DNAH6: variants seen among roughly 807,000 people sequenced by gnomAD.
DNAH6 encodes axonemal beta dynein heavy chain 6.
In DNAH6, 340 loss-of-function variants were observed where a neutral mutation model predicts 491.4. The observed-to-expected ratio is 0.69, with a 90% CI of 0.63 to 0.76. The LOEUF is 0.76. DNAH6 is among the 30% of genes least tolerant of loss of function. The pLI is 0.00. For missense variants in DNAH6, 4,443 were observed against 4,972.2 expected, an observed-to-expected ratio of 0.89 and a Z score of 3.20; for synonymous variants, 1,603 against 1,686.1, an observed-to-expected ratio of 0.95 and a Z score of 1.21.
intron 19 of DNAH6, among the ~76,000 whole-genome samples, 155 bp downstream of exon 19, chr2:84,604,706 T>C (rs1435134651): frequency 6.6e-6 from 1 of 152,220 alleles, no homozygotes; most frequent in African/African-American, 2.4e-5. Context: ...CAGATATTAC[T>C]GTTATCACCT....
At chr2:84,530,475 G>A (rs376882602) in intron 4 of DNAH6, among the ~76,000 whole-genome samples, 110 of 152,272 alleles carry the variant, frequency 7.2e-4, no homozygotes, top group African/African-American at 2.5e-3. Flanking sequence ...GGAGGCTGGT[G>A]TGACTACAGT....
intron 72 of DNAH6, 53 bp downstream of exon 72, chr2:84,808,595 G>A (rs931596091): frequency 6.5e-7 from 1 of 1,528,284 alleles, no homozygotes; most frequent in African/African-American, 1.4e-5. Context: ...TTTGTAGAGA[G>A]TTGTATAATA....
chr2:84,581,363 A>G (rs1228810539), intron 14 of DNAH6, among the ~76,000 whole-genome samples: 1 of 152,192 alleles, frequency 6.6e-6, no homozygotes, highest in Non-Finnish European at 1.5e-5. Context: ...TTGGAATGTC[A>G]TTCATTCAGT....
At chr2:84,807,547 C>T (rs909371363) in intron 71 of DNAH6, among the ~76,000 whole-genome samples, 7 of 152,200 alleles carry the variant, frequency 4.6e-5, no homozygotes, top group African/African-American at 1.7e-4. Flanking sequence ...GTCTCAGTCT[C>T]CTGCCCCCAA....
At chr2:84,678,032 A>G (rs1693426576) in intron 41 of DNAH6, among the ~76,000 whole-genome samples, 1 of 152,204 alleles carries the variant, frequency 6.6e-6, no homozygotes. Context: ...ACCAGCATCA[A>G]CTTCTTCCAG....
intron 64 of DNAH6, 45 bp downstream of exon 64, chr2:84,762,990 C>T: frequency 1.4e-6 from 2 of 1,440,950 alleles, no homozygotes; most frequent in Non-Finnish European, 1.9e-6. Flanking sequence ...TGCATATGAA[C>T]ATCTCTTTGT....
the DNAH6 span, among the ~76,000 whole-genome samples, chr2:84,462,005 A>T: frequency 6.6e-6 from 1 of 152,372 alleles, no homozygotes; most frequent in East Asian, 1.9e-4. Context: ...CCCCAAAGTC[A>T]TCAAGCCAAG....
chr2:84,547,177 A>T, intron 5 of DNAH6, 91 bp from the exon 6 acceptor site: 9 of 1,131,674 alleles, frequency 8.0e-6, no homozygotes, highest in Non-Finnish European at 1.1e-5. Flanking sequence ...GGTGTTTATT[A>T]TCCTTAATAA....
chr2:84,805,039 T>C (rs1022781252), intron 70 of DNAH6, among the ~76,000 whole-genome samples: 3 of 152,108 alleles, frequency 2.0e-5, no homozygotes, highest in African/African-American at 4.8e-5. Flanking sequence ...TCTCAAACTA[T>C]TGGGCTAAAG....
chr2:84,759,237 G>C (rs1674340321), intron 63 of DNAH6, among the ~76,000 whole-genome samples: 1 of 151,592 alleles, frequency 6.6e-6, no homozygotes, highest in South Asian at 2.1e-4. Context: ...GCTGGGCGCA[G>C]TGACTCACAC....
At chr2:84,470,498 G>A in the DNAH6 span, among the ~76,000 whole-genome samples, 1 of 152,150 alleles carries the variant, frequency 6.6e-6, no homozygotes, top group Non-Finnish European at 1.5e-5. Context: ...ACCATGTGGG[G>A]TAATGTCCTG....
intron 21 of DNAH6, among the ~76,000 whole-genome samples, chr2:84,609,599 A>T (rs571525599): frequency 1.7e-4 from 26 of 152,130 alleles, no homozygotes; most frequent in Non-Finnish European, 2.9e-4. Flanking sequence ...TTATATAAGC[A>T]TGGTTCATGG....
chr2:84,670,483 T>A lies in DNAH6; in HGVS notation c.6454+8T>A. The A allele has an allele frequency of 6.7e-7, 1 of 1,495,958 alleles. No individual in the cohort carries two copies. Among genetic ancestry groups the A allele is most frequent in the East Asian group, 2.5e-5 (1 of 40,282 alleles). 92.7% of individuals were successfully genotyped at this position (1,495,958 alleles called of 1,614,324 possible). On this transcript the variant is annotated splice_region_variant and intron_variant, in intron 39 of 76. Transcript: ENST00000389394. ...AAAGAAAAAATATTCTAGGTAAGAA[T>A]CATTATTTTAGTTTGTCCCACACAA... is the stretch of plus-strand genomic sequence containing the variant.
upstream of DNAH6, among the ~76,000 whole-genome samples, chr2:84,512,572 A>G (rs147100623): frequency 2.9e-4 from 44 of 152,248 alleles, no homozygotes; most frequent in Non-Finnish European, 5.1e-4. Flanking sequence ...AACCATAGCA[A>G]TGGTTTTTCT....
At chr2:84,664,166 G>T (rs777628952) in intron 37 of DNAH6, among the ~76,000 whole-genome samples, 2 of 152,070 alleles carry the variant, frequency 1.3e-5, no homozygotes, top group Non-Finnish European at 2.9e-5. Context: ...AAACATCATC[G>T]AGGCTAGGAA....
At position 84,637,351 on chromosome 2, in the gene DNAH6, G is replaced by C. The variant is rs1313111448; in HGVS notation, c.4795G>C (p.Val1599Leu). 1 of 1,547,438 alleles carries C rather than the reference G, an allele frequency of 6.5e-7. No homozygotes were observed. The highest frequency in any genetic ancestry group is 8.7e-7 in the Non-Finnish European group (1 of 1,144,670). ...CCTGTTTAGACCATTTGCGATGATG[G>C]TTCCAAATTATGCCTTGATTGCAGA... is the stretch of plus-strand genomic sequence containing the variant. ...KALFRPFAMM[V>L]PNYALIAEVI... The change falls in exon 31 of 77, where the codon GTT becomes CTT. Residue 1599 changes from valine (V) to leucine (L), a missense_variant. Physicochemically the swap from Val to Leu is conservative, Grantham distance 32. Around this residue, in one of 3 missense-constraint regions of DNAH6, gnomAD observed 2,977 missense variants for 3,296.6 expected, o/e 0.90. Coordinates refer to ENST00000389394, the MANE Select transcript of DNAH6 (RefSeq NM_001370.2).
chr2:84,563,427 C>G (rs1384582966), intron 11 of DNAH6, among the ~76,000 whole-genome samples: 2 of 152,122 alleles, frequency 1.3e-5, no homozygotes, highest in East Asian at 3.9e-4. Flanking sequence ...TTTATAATAG[C>G]CATTCTGACT....
intron 47 of DNAH6, among the ~76,000 whole-genome samples, chr2:84,698,095 T>A (rs189731341): frequency 1.3e-3 from 195 of 152,272 alleles, no homozygotes; most frequent in South Asian, 4.4e-3. Flanking sequence ...AGCAGCAATG[T>A]TATGACACAA....
chr2:84,653,645 A>T lies in DNAH6; in HGVS notation c.5405A>T (p.Tyr1802Phe). 1 of 1,551,268 alleles carries T rather than the reference A, an allele frequency of 6.4e-7. No homozygotes were observed. The highest frequency in any genetic ancestry group is 8.7e-7 in the Non-Finnish European group (1 of 1,146,682). The change falls in exon 34 of 77, where the codon TAT becomes TTT. Residue 1802 changes from tyrosine (Y) to phenylalanine (F), a missense_variant. Tyr to Phe is a conservative substitution (Grantham distance 22, BLOSUM62 3). Coordinates refer to ENST00000389394, the MANE Select transcript of DNAH6 (RefSeq NM_001370.2). ...NPKSITMGEL[Y>F]GEVNNLTLEW... is the part of the protein sequence containing the mutation. ...AAATCAATTACCATGGGTGAATTAT[A>T]TGGAGAGGTTAATAACTTAACCTTG...
Sources: allele counts gnomAD v4.1 joint callset (sites outside exome capture counted in the v4.1 genomes callset), GRCh38; gene constraint gnomAD v4.1.1; regional missense constraint gnomAD v4.1.1; transcripts MANE v1.5; gene names NCBI Gene and HGNC (gene_info 2026-07-23, HGNC 2026-07-21).